The following GALNT2 variants were observed in gnomAD, a reference collection of about 807,000 sequenced individuals.
GALNT2 encodes the protein polypeptide N-acetylgalactosaminyltransferase 2.
Under a neutral mutation model 81.4 loss-of-function variants are expected in GALNT2, and 31 were observed. The ratio of observed to expected loss-of-function variants is 0.38; its 90% CI spans 0.29 to 0.51. The LOEUF (loss-of-function observed/expected upper bound fraction) is 0.51, where lower values mean the gene tolerates loss of function less well. Among genes scored for constraint, GALNT2 ranks in the 20% least tolerant of loss-of-function variants. GALNT2 has a pLI of 0.87. For missense variants in GALNT2, 629 were observed against 765.7 expected (o/e 0.82, Z 2.11); for synonymous variants, 303 against 287.4 (o/e 1.05, Z -0.55).
chr1:230,083,093 G>GGGATGATGGAGCAGGGAGCCA lies in GALNT2; in HGVS notation c.126+15708_126+15728dup, dbSNP rs1475221612. Among the ~76,000 whole-genome samples, 95 of 149,752 alleles carry GGGATGATGGAGCAGGGAGCCA rather than the reference G, an allele frequency of 6.3e-4. 1 individual carries two copies. Among genetic ancestry groups the GGGATGATGGAGCAGGGAGCCA allele is most frequent in the African/African-American group, 2.3e-3 (92 of 40,536 alleles). On this transcript the variant is annotated intron_variant, in intron 1 of 15. Transcript: ENST00000366672. ...GCCGGGATGATGGAGCAGGGAAGCC[G>GGGATGATGGAGCAGGGAGCCA]GGATGATGGAGCAGGGAGCCAGGAT...
intron 1 of GALNT2, among the ~76,000 whole-genome samples, chr1:230,114,902 T>C (rs537259533): frequency 1.8e-4 from 28 of 152,116 alleles, no homozygotes; most frequent in African/African-American, 6.5e-4. Context: ...TACCCCAACA[T>C]CCAGCTTCCC....
chr1:230,246,780 G>A (rs1048134462), intron 8 of GALNT2, among the ~76,000 whole-genome samples: 15 of 151,988 alleles, frequency 9.9e-5, no homozygotes, highest in African/African-American at 2.9e-4. Context: ...TGTCCTCACC[G>A]CACCCACCCT....
intron 1 of GALNT2, among the ~76,000 whole-genome samples, chr1:230,124,305 T>TTG (rs1348828059): frequency 6.6e-6 from 1 of 152,164 alleles, no homozygotes; most frequent in Non-Finnish European, 1.5e-5. Context: ...CTTAAGCATG[T>TTG]TGTGTGCTGG....
intron 1 of GALNT2, among the ~76,000 whole-genome samples, chr1:230,083,309 A>C (rs1288373459): frequency 7.3e-6 from 1 of 136,060 alleles, no homozygotes; most frequent in Admixed American, 7.3e-5. Context: ...AGCCAGGATG[A>C]TGGAGTGGGG....
At chr1:230,200,684 T>C (rs1408773794) in intron 2 of GALNT2, among the ~76,000 whole-genome samples, 1 of 152,202 alleles carries the variant, frequency 6.6e-6, no homozygotes, top group Non-Finnish European at 1.5e-5. Flanking sequence ...GCCACTGCTC[T>C]CCTTGCACAC....
intron 2 of GALNT2, 125 bp downstream of exon 2, chr1:230,178,436 C>A: frequency 1.6e-6 from 1 of 644,336 alleles, no homozygotes. Context: ...GGAGACACCG[C>A]CCTAAAGCAC....
At chr1:230,253,793 C>G (rs1229784321) in intron 10 of GALNT2, among the ~76,000 whole-genome samples, 1 of 152,178 alleles carries the variant, frequency 6.6e-6, no homozygotes, top group Non-Finnish European at 1.5e-5. Flanking sequence ...TCTTCTCTAG[C>G]TATAATTTTG....
intron 1 of GALNT2, among the ~76,000 whole-genome samples, chr1:230,123,945 G>T (rs921990107): frequency 1.3e-5 from 2 of 152,146 alleles, no homozygotes; most frequent in Non-Finnish European, 2.9e-5. Flanking sequence ...ACCTGGTTTT[G>T]GTTTCTTAGT....
chr1:230,218,818 G>A (rs1664464550), intron 3 of GALNT2, among the ~76,000 whole-genome samples: 1 of 152,228 alleles, frequency 6.6e-6, no homozygotes, highest in African/African-American at 2.4e-5. Flanking sequence ...CTAAGCCGTG[G>A]ACCAGTGGTG....
At chr1:230,093,038 C>T (rs1034036689) in intron 1 of GALNT2, among the ~76,000 whole-genome samples, 21 of 152,136 alleles carry the variant, frequency 1.4e-4, no homozygotes, top group Admixed American at 4.6e-4. Flanking sequence ...AGGTCAAGAA[C>T]CTGAAACCCA....
rs1353286430 is a variant in GALNT2, at chr1:230,271,046, C to T, written c.1441-3399C>T. On this transcript the variant is annotated intron_variant, in intron 14 of 15. Coordinates refer to ENST00000366672, the MANE Select transcript of GALNT2 (RefSeq NM_004481.5). This position sits in a 1 kb window ranked among gnomAD's most constrained non-coding sequence, Gnocchi z 4.2. ...GGGTGTCAGCAGACCATCCAGCATC[C>T]GCCAACACCTGCTGCCAGGGACAGT... Among the ~76,000 whole-genome samples the T allele has an allele frequency of 2.6e-5, 4 of 152,166 alleles. No individual in the cohort carries two copies. The highest frequency in any genetic ancestry group is 7.2e-5 in the African/African-American group (3 of 41,426).
chr1:230,117,863 A>G (rs1419006696), intron 1 of GALNT2, among the ~76,000 whole-genome samples: 3 of 152,298 alleles, frequency 2.0e-5, no homozygotes, highest in Admixed American at 6.5e-5. Flanking sequence ...TTCAGTTTGT[A>G]AAAAACACAG....
chr1:230,058,738 A>T (rs546204395), intron 1 of GALNT2, among the ~76,000 whole-genome samples: 5 of 152,202 alleles, frequency 3.3e-5, no homozygotes, highest in African/African-American at 1.2e-4. Context: ...CTCAGTCACA[A>T]TTCAAGCCAA....
chr1:230,231,896 G>A (rs1054629091), intron 3 of GALNT2, among the ~76,000 whole-genome samples: 8 of 152,122 alleles, frequency 5.3e-5, no homozygotes, highest in East Asian at 1.9e-4. Flanking sequence ...TCTAGCCTGC[G>A]TCGTCTGGTA....
intron 5 of GALNT2, 35 bp from the exon 6 acceptor site, chr1:230,236,625 A>G (rs1665040867): frequency 3.8e-6 from 6 of 1,593,256 alleles, no homozygotes; most frequent in Non-Finnish European, 5.1e-6. Flanking sequence ...TATGAACTCC[A>G]GGTTCAAAAT....
At chr1:230,265,072 G>A (rs918504349) in intron 13 of GALNT2, 169 bp from the exon 14 acceptor site, 2 of 715,144 alleles carry the variant, frequency 2.8e-6, no homozygotes, top group East Asian at 2.6e-5. Context: ...TGGGAGAAAT[G>A]CCGTGTCCCT....
upstream of GALNT2, among the ~76,000 whole-genome samples, chr1:230,066,298 TTA>T (rs1214219413): frequency 6.6e-6 from 1 of 152,258 alleles, no homozygotes. Flanking sequence ...GTTACATAGA[TTA>T]TGTTACAAGA....
chr1:230,209,041 TA>T (rs112253499), intron 3 of GALNT2, among the ~76,000 whole-genome samples: 768 of 143,038 alleles, frequency 5.4e-3, no homozygotes, highest in African/African-American at 9.0e-3. Context: ...CCCCATTAGT[TA>T]AAAAAAAAAA....
At chr1:230,066,436 A>G (rs1042080679), upstream of GALNT2, among the ~76,000 whole-genome samples, 2 of 152,250 alleles carry the variant, frequency 1.3e-5, no homozygotes, top group Non-Finnish European at 2.9e-5. Flanking sequence ...GTTTATTGAA[A>G]AGAACAACTC....
Sources: gnomAD v4.1 joint callset for allele counts (sites outside exome capture counted in the v4.1 genomes callset) on GRCh38, gnomAD v4.1.1 for gene constraint, Gnocchi (gnomAD v3.1) non-coding constraint, MANE v1.5 for transcripts, NCBI Gene and HGNC (gene_info 2026-07-23, HGNC 2026-07-21) for gene names.